Variants in ZSCAN20 observed in about 807,000 individuals in gnomAD.
The protein encoded by ZSCAN20 is zinc finger and SCAN domain-containing protein 20.
In ZSCAN20, 39 loss-of-function variants were observed where a neutral mutation model predicts 97.1. The ratio of observed to expected loss-of-function variants is 0.40; its 90% confidence interval spans 0.31 to 0.52. The LOEUF (loss-of-function observed/expected upper bound fraction) is 0.52, where lower values mean the gene tolerates loss of function less well. Ranked by LOEUF, ZSCAN20 falls within the 20% of genes least tolerant of loss-of-function variation. The probability of loss-of-function intolerance (pLI) is 0.49; values close to 1 mark genes in which losing one functional copy is unlikely to be tolerated. For missense variants in ZSCAN20, 1,115 were observed against 1,290.4 expected (o/e 0.86, Z 2.08); for synonymous variants, 456 against 467.3 (o/e 0.98, Z 0.31).
Position 33,488,562 on chromosome 1 carries a change from AGTCCCAGAAGAAGGG to A in ZSCAN20, c.517_531del (p.Ser173_Gly177del), listed in dbSNP as rs754425216. 3.7e-5 allele frequency: 59 copies of A among 1,613,438 alleles called. No homozygotes were observed. ...CCAGTGGATCCCTGGCCTGAGGGAC[AGTCCCAGAAGAAGGG>A]GGTGAAGAATACATGCCCTGACCTT... On this transcript the variant is annotated inframe_deletion, in exon 3 of 8. Coordinates refer to ENST00000684572, the MANE Select transcript of ZSCAN20 (RefSeq NM_001377376.1).
rs775055142 is a variant in ZSCAN20, at chr1:33,495,416, C to T, written c.3072C>T (p.Phe1024=). 1.9e-6 allele frequency: 3 copies of T among 1,590,792 alleles called. No individual in the cohort carries two copies. The highest frequency in any genetic ancestry group is 2.7e-5 in the African/African-American group (2 of 74,260). ...PYKCTECGKD[F]NNSSHFSAHR... The stretch of plus-strand genomic sequence containing the variant: ...AGTGCACAGAGTGTGGCAAAGACTT[C>T]AACAACAGTTCCCACTTCAGTGCTC... The change falls in exon 8 of 8, where the codon TTC becomes TTT. Residue 1024 remains phenylalanine (F), a synonymous_variant. Transcript: ENST00000684572.
At chr1:33,485,951 T>A (rs1652348502) in intron 2 of ZSCAN20, among the ~76,000 whole-genome samples, 1 of 152,184 alleles carries the variant, frequency 6.6e-6, no homozygotes, top group Non-Finnish European at 1.5e-5. Context: ...GCTTCTCAAT[T>A]TTTTCCCATC....
chr1:33,498,689 C>A lies in ZSCAN20; in HGVS notation c.*3213C>A, dbSNP rs1378725615. Among the ~76,000 whole-genome samples, 1 of 152,176 alleles carries A rather than the reference C, an allele frequency of 6.6e-6. No individual in the cohort carries two copies. Among genetic ancestry groups the A allele is most frequent in the Admixed American group, 6.5e-5 (1 of 15,282 alleles). ...CAGGTCAGACCCTGGTTATGGAAAA[C>A]CAAACCAGCAAATGCTGCCCTGGGA... On this transcript the variant is annotated 3_prime_UTR_variant, in exon 8 of 8. Transcript: ENST00000684572.
At position 33,497,035 on chromosome 1, in the gene ZSCAN20, A is replaced by G. The variant is rs543099135; in HGVS notation, c.*1559A>G. Among the ~76,000 whole-genome samples the G allele has an allele frequency of 1.1e-4, 17 of 152,184 alleles. No homozygotes were observed. The highest frequency in any genetic ancestry group is 1.8e-4 in the Non-Finnish European group (12 of 68,032). On this transcript the variant is annotated 3_prime_UTR_variant, in exon 8 of 8. Transcript: ENST00000684572. ...AAAATCCCCCTCCTGCCATCCTCTTATGACACTAGGATGTATTCATAACCT... is the reference window on the plus strand; with the variant it reads ...AAAATCCCCCTCCTGCCATCCTCTTGTGACACTAGGATGTATTCATAACCT...
chr1:33,494,603 C>T lies in ZSCAN20; in HGVS notation c.2259C>T (p.Leu753=). 6.2e-7 allele frequency: 1 copy of T among 1,613,986 alleles called. No individual in the cohort carries two copies. Among genetic ancestry groups the T allele is most frequent in the Non-Finnish European group, 8.5e-7 (1 of 1,179,856 alleles). Residue 753 remains leucine (L), a synonymous_variant, in exon 8 of 8, where the codon CTC becomes CTT. Coordinates refer to ENST00000684572, the MANE Select transcript of ZSCAN20 (RefSeq NM_001377376.1). ...AAAACTTTAGTGACCGCTCTAACCT[C>T]AATACCCATCAGAGAATCCACACTG... ...CGKNFSDRSN[L]NTHQRIHTGE... is the part of the protein sequence containing the mutation.
At chr1:33,492,796 AGG>A (rs543265624) in intron 6 of ZSCAN20, among the ~76,000 whole-genome samples, 5 of 99,318 alleles carry the variant, frequency 5.0e-5, no homozygotes, top group Admixed American at 1.1e-4. Flanking sequence ...AAAAAAAAAA[AGG>A]AGAATTTATA....
rs139909288 is a variant in ZSCAN20, at chr1:33,500,803, G to A, written c.*5327G>A. Among the ~76,000 whole-genome samples the A allele has an allele frequency of 6.6e-5, 10 of 152,020 alleles. No homozygotes were observed. The highest frequency in any genetic ancestry group is 2.2e-4 in the African/African-American group (9 of 41,464). On this transcript the variant is annotated 3_prime_UTR_variant, in exon 8 of 8. Coordinates refer to ENST00000684572, the MANE Select transcript of ZSCAN20 (RefSeq NM_001377376.1). ...CTGGTCCTGGAGCAGCATGACAGAT[G>A]TATCTGAGCCCAAGCAGGAGAGGAG...
At position 33,491,142 on chromosome 1, in the gene ZSCAN20, A is replaced by G; in HGVS notation, c.884A>G (p.Glu295Gly). The change falls in exon 6 of 8, where the codon GAG becomes GGG. Residue 295 changes from glutamate (E) to glycine (G), a missense_variant. Coordinates refer to ENST00000684572, the MANE Select transcript of ZSCAN20 (RefSeq NM_001377376.1). This position sits in a 1 kb window ranked among gnomAD's most constrained non-coding sequence, Gnocchi z 4.3. ...ACTGCAGATTACAGCCTGGATAATG[A>G]GCCAGCTCAGGCATTGACCTGGAGG... is the stretch of plus-strand genomic sequence containing the variant. Reference protein sequence around the residue: ...RSTADYSLDNEPAQALTWRDS... With the variant: ...RSTADYSLDNGPAQALTWRDS... The G allele has an allele frequency of 1.2e-6, 2 of 1,614,128 alleles. No homozygotes were observed. Among genetic ancestry groups the G allele is most frequent in the Non-Finnish European group, 1.7e-6 (2 of 1,180,026 alleles).
At chr1:33,476,563 T>C (rs1180921316) in intron 1 of ZSCAN20, among the ~76,000 whole-genome samples, 1 of 152,226 alleles carries the variant, frequency 6.6e-6, no homozygotes, top group Non-Finnish European at 1.5e-5. Flanking sequence ...ACTGTAATTT[T>C]ATTGAAGGTA....
chr1:33,482,453 GTTTA>G (rs767427674), intron 2 of ZSCAN20, among the ~76,000 whole-genome samples: 52 of 152,172 alleles, frequency 3.4e-4, no homozygotes, highest in Admixed American at 6.5e-4. Context: ...ATGTACCACA[GTTTA>G]TTTATCTACT....
chr1:33,487,767 T>A (rs1430293163), intron 2 of ZSCAN20, among the ~76,000 whole-genome samples: 1 of 152,092 alleles, frequency 6.6e-6, no homozygotes, highest in Non-Finnish European at 1.5e-5. Context: ...CTCAGCCTCT[T>A]GAGTAGCTGG....
rs1652629687 is a variant in ZSCAN20 at position 33,491,777 on chromosome 1, G to A, written c.1444+75G>A. 1 of 1,450,078 alleles carries A rather than the reference G, an allele frequency of 6.9e-7. No homozygotes were observed. The highest frequency in any genetic ancestry group is 1.4e-5 in the African/African-American group (1 of 70,516). 89.8% of individuals were successfully genotyped at this position (1,450,078 alleles called of 1,614,324 possible). A position where few individuals can be genotyped will look rare whatever the true frequency, so the allele number is the denominator to read the frequency against. On this transcript the variant is annotated intron_variant, in intron 6 of 7. Transcript: ENST00000684572. This position sits in a 1 kb window ranked among gnomAD's most constrained non-coding sequence, Gnocchi z 4.3. ...GCTAGACTGCTATTCCCTGAGGTCA[G>A]GGCACAGGCTGCAAGTCTGGATTGA...
Position 33,488,599 on chromosome 1 carries a change from C to T in ZSCAN20, c.552C>T (p.Asp184=). The change falls in exon 3 of 8, where the codon GAC becomes GAT. Residue 184 remains aspartate (D), a synonymous_variant. Transcript: ENST00000684572. ...QKKGVKNTCP[D]LPNHLNAEVA... is the part of the protein sequence containing the mutation. Reference sequence around the variant, plus strand: ...AGGGGGTGAAGAATACATGCCCTGACCTTCCCAATCACCTAAATGCCGAGG... The same window carrying T: ...AGGGGGTGAAGAATACATGCCCTGATCTTCCCAATCACCTAAATGCCGAGG... 1 of 1,613,506 alleles carries T rather than the reference C, an allele frequency of 6.2e-7. No individual in the cohort carries two copies. Among genetic ancestry groups the T allele is most frequent in the Non-Finnish European group, 8.5e-7 (1 of 1,179,824 alleles).
At position 33,496,907 on chromosome 1, in the gene ZSCAN20, T is replaced by C. The variant is rs1186108325; in HGVS notation, c.*1431T>C. On this transcript the variant is annotated 3_prime_UTR_variant, in exon 8 of 8. Transcript: ENST00000684572. ...ACAGGCTAAGTTAGAAAGGTTCACA[T>C]AGGATGGTTTTAACATTTGCAGCAC... Among the ~76,000 whole-genome samples, 1 of 152,210 alleles carries C rather than the reference T, an allele frequency of 6.6e-6. No homozygotes were observed. Among genetic ancestry groups the C allele is most frequent in the Non-Finnish European group, 1.5e-5 (1 of 68,028 alleles).
At chr1:33,487,033 C>A (rs1252524630) in intron 2 of ZSCAN20, among the ~76,000 whole-genome samples, 1 of 152,280 alleles carries the variant, frequency 6.6e-6, no homozygotes, top group Non-Finnish European at 1.5e-5. Flanking sequence ...AGACTCAGAG[C>A]AGTATATCTA....
rs1397722099 is a variant in ZSCAN20, at chr1:33,489,510, T to A, written c.682-8T>A. Reference sequence around the variant, plus strand: ...ATGTTTGGGGTCCTTGTCTTGTGCATCTCGCAGGAAGCCCTGGGCCCTGGC... The same window carrying A: ...ATGTTTGGGGTCCTTGTCTTGTGCAACTCGCAGGAAGCCCTGGGCCCTGGC... On this transcript the variant is annotated splice_polypyrimidine_tract_variant and splice_region_variant and intron_variant, in intron 4 of 7. Coordinates refer to ENST00000684572, the MANE Select transcript of ZSCAN20 (RefSeq NM_001377376.1). The A allele has an allele frequency of 6.2e-7, 1 of 1,613,972 alleles. No homozygotes were observed. The highest frequency in any genetic ancestry group is 1.3e-5 in the African/African-American group (1 of 75,008).
In ZSCAN20 at chr1:33,493,711, G is replaced by C; in HGVS notation, c.1873+96G>C. ...TATCTTTTGTCTCTTAACTAAAAGA[G>C]AGAATGGGATTGAATGGGAAAAAGT... On this transcript the variant is annotated intron_variant, in intron 7 of 7. Coordinates refer to ENST00000684572, the MANE Select transcript of ZSCAN20 (RefSeq NM_001377376.1). This position sits in a 1 kb window ranked among gnomAD's most constrained non-coding sequence, Gnocchi z 4.3. 3.0e-6 allele frequency: 4 copies of C among 1,335,476 alleles called. No individual in the cohort carries two copies. In the Admixed American group the frequency reaches 6.9e-5, roughly 23 times the overall value. The allele number at this position is 1,335,476 out of a possible 1,614,324, so 82.7% of individuals were successfully genotyped here.
chr1:33,483,246 A>C lies in ZSCAN20; in HGVS notation c.417+3541A>C, dbSNP rs1024770276. On this transcript the variant is annotated intron_variant, in intron 2 of 7. Transcript: ENST00000684572. The stretch of plus-strand genomic sequence containing the variant: ...TGAGTTGATTTTTGTGAAGGATAGG[A>C]TAGAAGCTTTTTTTTTTTTTCATGT... Among the ~76,000 whole-genome samples, 34 of 104,324 alleles carry C rather than the reference A, an allele frequency of 3.3e-4. 1 individual carries two copies. Among genetic ancestry groups the C allele is most frequent in the Non-Finnish European group, 9.8e-5 (5 of 50,968 alleles). The allele number at this position is 104,324 out of a possible 152,430, so 68.4% of individuals were successfully genotyped here.
chr1:33,490,667 ACACACACACACACACAC>A (rs1254203586), intron 5 of ZSCAN20, among the ~76,000 whole-genome samples: 2 of 56,596 alleles, frequency 3.5e-5, no homozygotes, highest in Non-Finnish European at 7.9e-5. Flanking sequence ...ACACACACAC[ACACACACACACACACAC>A]CACACACCCT....
Sources: gnomAD v4.1 joint callset for allele counts (sites outside exome capture counted in the v4.1 genomes callset) on GRCh38, gnomAD v4.1.1 for gene constraint, Gnocchi (gnomAD v3.1) non-coding constraint, MANE v1.5 for transcripts, NCBI Gene and HGNC (gene_info 2026-07-23, HGNC 2026-07-21) for gene names.